PPP2R5C: variants seen among roughly 807,000 people sequenced by gnomAD.
PPP2R5C encodes the protein serine/threonine-protein phosphatase 2A 56 kDa regulatory subunit gamma isoform.
A neutral mutation model predicts 68.9 loss-of-function variants in PPP2R5C; 7 were observed. The ratio of observed to expected loss-of-function variants is 0.10; its 90% confidence interval spans 0.06 to 0.19. The LOEUF is 0.19. Ranked by LOEUF, PPP2R5C falls within the 10% of genes least tolerant of loss-of-function variation. The pLI is 1.00. For missense variants in PPP2R5C, 348 were observed against 641.3 expected (o/e 0.54, Z 4.94); for synonymous variants, 210 against 222.2 (o/e 0.95, Z 0.49).
intron 1 of PPP2R5C, among the ~76,000 whole-genome samples, chr14:101,841,625 C>T (rs1328617053): frequency 3.9e-5 from 6 of 152,198 alleles, no homozygotes; most frequent in East Asian, 1.9e-4. Flanking sequence ...GGGTTGCCCA[C>T]GGTCACTGTG....
At chr14:101,761,781 GGGCGGCGGCGGC>G (rs547036580), upstream of PPP2R5C, 1 of 970,168 alleles carries the variant, frequency 1.0e-6, no homozygotes, top group Non-Finnish European at 1.2e-6. Flanking sequence ...CTCAGTCCCC[GGGCGGCGGCGGC>G]GGCGGCGGCC....
At chr14:101,871,856 A>G (rs1053891672) in intron 2 of PPP2R5C, among the ~76,000 whole-genome samples, 1 of 152,094 alleles carries the variant, frequency 6.6e-6, no homozygotes, top group Non-Finnish European at 1.5e-5. Context: ...ATAACATACT[A>G]TTTCATATAG....
intron 1 of PPP2R5C, among the ~76,000 whole-genome samples, chr14:101,762,367 G>A (rs576982987): frequency 2.0e-5 from 3 of 152,280 alleles, no homozygotes; most frequent in Admixed American, 1.3e-4. Flanking sequence ...ACGGGGGAAA[G>A]GGAGCGAGAA....
intron 2 of PPP2R5C, among the ~76,000 whole-genome samples, chr14:101,871,863 A>G (rs2043440392): frequency 1.3e-5 from 2 of 152,182 alleles, no homozygotes; most frequent in African/African-American, 4.8e-5. Context: ...ACTATTTCAT[A>G]TAGAATATAA....
At position 101,917,695 on chromosome 14, in the gene PPP2R5C, A is replaced by AT; in HGVS notation, c.1327-136_1327-135insT. On this transcript the variant is annotated intron_variant, in intron 12 of 13. Transcript: ENST00000334743. This position sits in a 1 kb window ranked among gnomAD's most constrained non-coding sequence, Gnocchi z 4.4. ...CCGCATCATGTTGCAGGTGTAGGCG[A>AT]GTCTCCCACTGAGTGGGCTTCCTGC... 8.7e-7 allele frequency: 1 copy of AT among 1,147,880 alleles called. No individual in the cohort carries two copies. Among genetic ancestry groups the AT allele is most frequent in the South Asian group, 1.5e-5 (1 of 68,082 alleles). The allele number at this position is 1,147,880 out of a possible 1,614,324, so 71.1% of individuals were successfully genotyped here.
At chr14:101,788,435 C>T (rs778772476) in intron 3 of PPP2R5C, among the ~76,000 whole-genome samples, 10 of 152,206 alleles carry the variant, frequency 6.6e-5, no homozygotes, top group South Asian at 2.1e-4. Context: ...ATGCAAGTAC[C>T]GGTGTGTGCC....
chr14:101,853,248 A>T (rs1009513683), intron 1 of PPP2R5C, among the ~76,000 whole-genome samples: 1 of 152,156 alleles, frequency 6.6e-6, no homozygotes, highest in African/African-American at 2.4e-5. Flanking sequence ...TTTTTAAAAC[A>T]GTAAAATTCT....
intron 1 of PPP2R5C, among the ~76,000 whole-genome samples, chr14:101,847,811 T>C (rs1017912891): frequency 1.3e-5 from 2 of 151,940 alleles, no homozygotes; most frequent in Non-Finnish European, 2.9e-5. Context: ...TACAGGCACA[T>C]GCCACCACAC....
intron 1 of PPP2R5C, among the ~76,000 whole-genome samples, chr14:101,838,008 G>A (rs2041229724): frequency 6.6e-6 from 1 of 152,192 alleles, no homozygotes; most frequent in Non-Finnish European, 1.5e-5. Flanking sequence ...ATGAAAAAAT[G>A]AGATAAGGTA....
chr14:101,895,227 T>G (rs1430918046), intron 8 of PPP2R5C, among the ~76,000 whole-genome samples: 6 of 152,232 alleles, frequency 3.9e-5, no homozygotes, highest in Non-Finnish European at 1.5e-5. Flanking sequence ...TTTATTGAGA[T>G]ATAATTCACA....
intron 5 of PPP2R5C, among the ~76,000 whole-genome samples, chr14:101,886,416 G>T (rs1329836941): frequency 6.6e-6 from 1 of 152,026 alleles, no homozygotes; most frequent in Non-Finnish European, 1.5e-5. Context: ...GCTAGAATAT[G>T]GCATTTGTGT....
intron 2 of PPP2R5C, among the ~76,000 whole-genome samples, chr14:101,784,513 G>T (rs72715638): frequency 0.085 from 12,781 of 150,796 alleles, 608 homozygotes; most frequent in Middle Eastern, 0.14. Flanking sequence ...GAGAAAGTGG[G>T]GGGGGGGAAC....
upstream of PPP2R5C, among the ~76,000 whole-genome samples, chr14:101,805,995 A>G (rs956749750): frequency 6.6e-6 from 1 of 152,216 alleles, no homozygotes; most frequent in Non-Finnish European, 1.5e-5. Flanking sequence ...GTTGCAAGAC[A>G]CTGTGAATGT....
chr14:101,848,830 A>G (rs1032529139), intron 1 of PPP2R5C, among the ~76,000 whole-genome samples: 7 of 152,220 alleles, frequency 4.6e-5, no homozygotes, highest in African/African-American at 1.4e-4. Context: ...AGCCATATGC[A>G]TGTATCTTTA....
intron 1 of PPP2R5C, among the ~76,000 whole-genome samples, chr14:101,814,969 G>A (rs1345145188): frequency 1.3e-5 from 2 of 152,232 alleles, no homozygotes; most frequent in South Asian, 2.1e-4. Flanking sequence ...GTCCAGGGCT[G>A]TTGGCAGCAC....
intron 2 of PPP2R5C, among the ~76,000 whole-genome samples, chr14:101,878,074 A>G (rs2043900767): frequency 6.6e-6 from 1 of 152,196 alleles, no homozygotes; most frequent in Non-Finnish European, 1.5e-5. Flanking sequence ...TGGCTTGCAG[A>G]CGGCCACTGT....
At chr14:101,921,216 AC>A in intron 13 of PPP2R5C, 1 of 240,532 alleles carries the variant, frequency 4.2e-6, no homozygotes, top group South Asian at 3.5e-5. Flanking sequence ...TACCGGCACC[AC>A]CACACTCAGC....
At chr14:101,878,034 C>T (rs2043897824) in intron 2 of PPP2R5C, among the ~76,000 whole-genome samples, 1 of 152,220 alleles carries the variant, frequency 6.6e-6, no homozygotes, top group African/African-American at 2.4e-5. Context: ...AAGGGTGTAG[C>T]AGGGTTTGTT....
At chr14:101,923,437 T>C (rs940964439) in intron 13 of PPP2R5C, among the ~76,000 whole-genome samples, 1 of 152,218 alleles carries the variant, frequency 6.6e-6, no homozygotes, top group Non-Finnish European at 1.5e-5. Flanking sequence ...TGCTTCACTT[T>C]GTTTTACAGA....
Sources: allele counts gnomAD v4.1 joint callset (sites outside exome capture counted in the v4.1 genomes callset), GRCh38; gene constraint gnomAD v4.1.1; non-coding constraint Gnocchi (gnomAD v3.1); transcripts MANE v1.5; gene names NCBI Gene and HGNC (gene_info 2026-07-23, HGNC 2026-07-21).